TRPM6: variants seen among roughly 807,000 people sequenced by gnomAD.
The protein encoded by TRPM6 is channel kinase 2.
Under a neutral mutation model 247.6 loss-of-function variants are expected in TRPM6, and 111 were observed. The observed-to-expected ratio is 0.45, with a 90% CI of 0.38 to 0.52. TRPM6 has a LOEUF of 0.52. Ranked by LOEUF, TRPM6 falls within the 20% of genes least tolerant of loss-of-function variation. The pLI is 0.00. For synonymous variants in TRPM6, 892 were observed against 853.8 expected (o/e 1.04, Z -0.78); for missense variants, 2,126 against 2,421.5 (o/e 0.88, Z 2.56).
intron 33 of TRPM6, among the ~76,000 whole-genome samples, chr9:74,742,276 A>G (rs559067610): frequency 2.1e-3 from 316 of 152,194 alleles, no homozygotes; most frequent in African/African-American, 7.2e-3. Context: ...TTTCTTTCCT[A>G]CTTACTTCCA....
Position 74,772,393 on chromosome 9 carries a change from T to A in TRPM6, c.3404-558A>T, listed in dbSNP as rs564704253. On this transcript the variant is annotated intron_variant, in intron 24 of 38. Transcript: ENST00000360774. ...TCTTCAATATTTTCACAGGTTAGAATGCTTTCACATTTAAGAAAAATTCAC... is the reference window on the plus strand; with the variant it reads ...TCTTCAATATTTTCACAGGTTAGAAAGCTTTCACATTTAAGAAAAATTCAC... 5.2e-5 allele frequency among the ~76,000 whole-genome samples: 8 copies of A among 152,382 alleles called. No homozygotes were observed. The South Asian group carries it at 6.2e-4, about 12-fold the overall frequency.
At chr9:74,745,619 A>G (rs1251432631) in intron 31 of TRPM6, among the ~76,000 whole-genome samples, 2 of 152,158 alleles carry the variant, frequency 1.3e-5, no homozygotes, top group Admixed American at 6.5e-5. Context: ...AGCAATATGT[A>G]TAAATGAAGA....
At chr9:74,760,769 A>G (rs1826597876) in intron 27 of TRPM6, among the ~76,000 whole-genome samples, 1 of 152,210 alleles carries the variant, frequency 6.6e-6, no homozygotes, top group Non-Finnish European at 1.5e-5. Flanking sequence ...AATCATATTA[A>G]GAGATGGAGA....
chr9:74,804,600 A>T (rs1181766133), intron 14 of TRPM6: 60 of 748,584 alleles, frequency 8.0e-5, no homozygotes, highest in South Asian at 5.0e-4. Flanking sequence ...TCCTGAGTTC[A>T]CTGCTACTCA....
chr9:74,882,745 C>T (rs887519545), intron 1 of TRPM6, among the ~76,000 whole-genome samples: 5 of 152,202 alleles, frequency 3.3e-5, no homozygotes, highest in South Asian at 2.1e-4. Flanking sequence ...TTCAATCCTG[C>T]ATTCCCACTA....
chr9:74,792,722 G>T lies in TRPM6; in HGVS notation c.2440C>A (p.Gln814Lys). 1 of 1,613,732 alleles carries T rather than the reference G, an allele frequency of 6.2e-7. No individual in the cohort carries two copies. The highest frequency in any genetic ancestry group is 8.5e-7 in the Non-Finnish European group (1 of 1,179,716). Residue 814 changes from glutamine to lysine, a missense_variant, in exon 19 of 39, where the codon CAG (glutamine) becomes AAG (lysine). By Grantham distance (53) the Gln-to-Lys change is moderately conservative. Around this residue, in one of 3 missense-constraint regions of TRPM6, gnomAD observed 1,082 missense variants for 1,307.9 expected, o/e 0.83. Transcript: ENST00000360774. ...TGCCCACTTTCCAAACCAAAATGCT[G>T]ATTTTCATCCAGTTTCTCATCATGG... is the stretch of plus-strand genomic sequence containing the variant. ...RGHDEKLDEN[Q>K]HFGLESGHQH...
In TRPM6 at chr9:74,801,965, T is replaced by C; in HGVS notation, c.1942A>G (p.Met648Val). 1.2e-6 allele frequency: 2 copies of C among 1,614,254 alleles called. No homozygotes were observed. The highest frequency in any genetic ancestry group is 1.7e-6 in the Non-Finnish European group (2 of 1,180,036). ...AVIACILYRA[M>V]AHEAKESHMV... Reference sequence around the variant, plus strand: ...TGACTCTCCTTAGCTTCATGGGCCATTGCCCGGTAGAGGATACACGCAATC... The same window carrying C: ...TGACTCTCCTTAGCTTCATGGGCCACTGCCCGGTAGAGGATACACGCAATC... The change falls in exon 16 of 39, where the codon ATG becomes GTG. Residue 648 changes from methionine to valine, a missense_variant. Coordinates refer to ENST00000360774, the MANE Select transcript of TRPM6 (RefSeq NM_017662.5).
At chr9:74,735,116 G>A (rs953922399) in intron 36 of TRPM6, among the ~76,000 whole-genome samples, 1 of 151,922 alleles carries the variant, frequency 6.6e-6, no homozygotes, top group Non-Finnish European at 1.5e-5. Flanking sequence ...GTTAACTCGG[G>A]AAGCTGAGGT....
intron 3 of TRPM6, among the ~76,000 whole-genome samples, chr9:74,852,119 G>A (rs962094484): frequency 6.6e-6 from 1 of 151,982 alleles, no homozygotes. Flanking sequence ...CTGGGAGAAA[G>A]AGCAAGACCT....
intron 32 of TRPM6, 79 bp from the exon 33 acceptor site, chr9:74,742,705 T>C (rs1007087613): frequency 8.5e-6 from 10 of 1,175,540 alleles, no homozygotes; most frequent in Non-Finnish European, 6.3e-6. Flanking sequence ...CATCAATATA[T>C]TCATATAATG....
intron 24 of TRPM6, among the ~76,000 whole-genome samples, chr9:74,773,246 G>A (rs1019738527): frequency 2.0e-5 from 3 of 152,124 alleles, no homozygotes; most frequent in African/African-American, 7.2e-5. Flanking sequence ...AACTCTTTTA[G>A]CTATTACAAT....
chr9:74,807,929 G>C, intron 14 of TRPM6, 105 bp downstream of exon 14: 1 of 1,264,398 alleles, frequency 7.9e-7, no homozygotes, highest in Non-Finnish European at 1.2e-6. Flanking sequence ...TAAATAAAAT[G>C]ACCATTTTAG....
Position 74,808,186 on chromosome 9 carries a change from A to G in TRPM6, c.1498-12T>C. The G allele has an allele frequency of 6.2e-7, 1 of 1,613,836 alleles. No individual in the cohort carries two copies. Among genetic ancestry groups the G allele is most frequent in the Non-Finnish European group, 8.5e-7 (1 of 1,179,834 alleles). On this transcript the variant is annotated splice_polypyrimidine_tract_variant and intron_variant, in intron 13 of 38. Transcript: ENST00000360774. ...GAAAGAAGGGTATGCTGCAACAAAA[A>G]CATGCAACGACTTTTAACTTTTAGT...
chr9:74,760,440 G>T (rs1050579531), intron 27 of TRPM6, among the ~76,000 whole-genome samples: 26 of 152,250 alleles, frequency 1.7e-4, no homozygotes, highest in African/African-American at 6.3e-4. Flanking sequence ...CTAGGCATGT[G>T]GTAGGTTAGA....
chr9:74,837,308 G>C (rs1829757388), intron 5 of TRPM6, among the ~76,000 whole-genome samples: 1 of 152,206 alleles, frequency 6.6e-6, no homozygotes, highest in Admixed American at 6.5e-5. Flanking sequence ...TGCAGGTCTG[G>C]GGTGGGGCCT....
intron 5 of TRPM6, among the ~76,000 whole-genome samples, chr9:74,838,890 G>A (rs928484167): frequency 1.3e-5 from 2 of 152,158 alleles, no homozygotes; most frequent in Admixed American, 6.5e-5. Flanking sequence ...TGGGCAGATC[G>A]CCTGAGGTCA....
At chr9:74,749,550 A>T (rs143909742) in intron 30 of TRPM6, among the ~76,000 whole-genome samples, 1 of 152,226 alleles carries the variant, frequency 6.6e-6, no homozygotes, top group African/African-American at 2.4e-5. Flanking sequence ...CAAGCCTACA[A>T]ATCAGTTTCA....
chr9:74,875,827 A>C (rs1047166583), intron 1 of TRPM6, among the ~76,000 whole-genome samples: 1 of 152,232 alleles, frequency 6.6e-6, no homozygotes, highest in Admixed American at 6.5e-5. Context: ...TAAAGCAGAC[A>C]CTAACAGTGG....
intron 13 of TRPM6, among the ~76,000 whole-genome samples, chr9:74,810,327 C>A (rs1749365583): frequency 6.6e-6 from 1 of 152,082 alleles, no homozygotes; most frequent in Non-Finnish European, 1.5e-5. Context: ...CAAAACATGA[C>A]CAAGAGTATA....
Sources: gnomAD v4.1 joint callset for allele counts (sites outside exome capture counted in the v4.1 genomes callset) on GRCh38, gnomAD v4.1.1 for gene constraint, gnomAD v4.1.1 regional missense constraint, MANE v1.5 for transcripts, NCBI Gene and HGNC (gene_info 2026-07-23, HGNC 2026-07-21) for gene names.